The following TAS2R1 variants were observed in gnomAD, a reference collection of about 807,000 sequenced individuals.
TAS2R1 encodes the protein taste 2 receptor member 1.
For missense variants in TAS2R1, 370 were observed against 353.4 expected, an observed-to-expected ratio of 1.05 and a Z score of -0.38; for synonymous variants, 141 against 134.2, an observed-to-expected ratio of 1.05 and a Z score of -0.35.
the TAS2R1 span, among the ~76,000 whole-genome samples, chr5:9,734,544 AAGATT>A: frequency 6.6e-6 from 1 of 152,236 alleles, no homozygotes; most frequent in Non-Finnish European, 1.5e-5. Context: ...GATCAGAGAT[AAGATT>A]AATCTTTACA....
chr5:9,640,320 G>A (rs573576594), intron 2 of TAS2R1, among the ~76,000 whole-genome samples: 1 of 151,366 alleles, frequency 6.6e-6, no homozygotes, highest in African/African-American at 2.4e-5. Flanking sequence ...ATTACAATAG[G>A]AACATCAAAG....
chr5:9,648,851 G>A (rs1419644951), intron 2 of TAS2R1, among the ~76,000 whole-genome samples: 2 of 152,032 alleles, frequency 1.3e-5, no homozygotes, highest in African/African-American at 4.8e-5. Context: ...AGGCAGGGTC[G>A]GTGCCCAGGC....
At chr5:9,866,011 C>T in the TAS2R1 span, among the ~76,000 whole-genome samples, 1 of 152,188 alleles carries the variant, frequency 6.6e-6, no homozygotes, top group South Asian at 2.1e-4. Flanking sequence ...TCTGGAACTA[C>T]AATTATACCT....
chr5:9,826,135 A>G, the TAS2R1 span, among the ~76,000 whole-genome samples: 1 of 152,346 alleles, frequency 6.6e-6, no homozygotes, highest in South Asian at 2.1e-4. Context: ...TCATAGATTT[A>G]TAAAATATTT....
the TAS2R1 span, among the ~76,000 whole-genome samples, chr5:9,790,632 A>AT: frequency 6.6e-5 from 10 of 151,570 alleles, no homozygotes; most frequent in South Asian, 2.1e-4. Flanking sequence ...TAAAATAAGA[A>AT]TTTTTTTTTC....
At chr5:9,727,161 C>T in the TAS2R1 span, among the ~76,000 whole-genome samples, 1 of 152,164 alleles carries the variant, frequency 6.6e-6, no homozygotes. Flanking sequence ...CTTGATCAAG[C>T]CTTTCATATT....
At chr5:9,733,857 TTGC>T in the TAS2R1 span, among the ~76,000 whole-genome samples, 1 of 152,068 alleles carries the variant, frequency 6.6e-6, no homozygotes, top group Non-Finnish European at 1.5e-5. Context: ...AAAAATTGCA[TTGC>T]TTTTTTTTTT....
chr5:9,800,888 T>C, the TAS2R1 span, among the ~76,000 whole-genome samples: 3 of 152,180 alleles, frequency 2.0e-5, no homozygotes, highest in Non-Finnish European at 4.4e-5. Context: ...ATAAGAGTAG[T>C]ACCCTTATAA....
At chr5:9,725,091 G>GA in the TAS2R1 span, among the ~76,000 whole-genome samples, 1 of 152,256 alleles carries the variant, frequency 6.6e-6, no homozygotes, top group African/African-American at 2.4e-5. Context: ...GGGGACTCCT[G>GA]AGAGAAGGGG....
chr5:9,803,864 A>T, the TAS2R1 span, among the ~76,000 whole-genome samples: 1 of 152,208 alleles, frequency 6.6e-6, no homozygotes, highest in African/African-American at 2.4e-5. Context: ...AAATAGCATG[A>T]TGAGTAGAAT....
chr5:9,870,941 CATTT>C, the TAS2R1 span, among the ~76,000 whole-genome samples: 1 of 152,080 alleles, frequency 6.6e-6, no homozygotes, highest in African/African-American at 2.4e-5. Flanking sequence ...CTCAAAATAG[CATTT>C]ATTTGAAAAC....
the TAS2R1 span, among the ~76,000 whole-genome samples, chr5:9,813,012 A>G: frequency 3.3e-5 from 5 of 152,212 alleles, no homozygotes; most frequent in Admixed American, 3.3e-4. Flanking sequence ...ATATAATAAA[A>G]TCCTAACCCC....
chr5:9,864,746 A>G, the TAS2R1 span, among the ~76,000 whole-genome samples: 1 of 152,144 alleles, frequency 6.6e-6, no homozygotes, highest in African/African-American at 2.4e-5. Flanking sequence ...CCATTAATGG[A>G]ATGGTAAAAA....
chr5:9,890,118 G>A, the TAS2R1 span, among the ~76,000 whole-genome samples: 1 of 152,060 alleles, frequency 6.6e-6, no homozygotes, highest in Non-Finnish European at 1.5e-5. Flanking sequence ...AAAGGGACTC[G>A]GGATCCAGCC....
the TAS2R1 span, among the ~76,000 whole-genome samples, chr5:9,766,817 A>G: frequency 6.6e-6 from 1 of 152,152 alleles, no homozygotes; most frequent in African/African-American, 2.4e-5. Flanking sequence ...TAAAGCATAC[A>G]GAGAGGGAGG....
chr5:9,670,854 G>A (rs980530772), intron 1 of TAS2R1, among the ~76,000 whole-genome samples: 1 of 151,810 alleles, frequency 6.6e-6, no homozygotes, highest in Non-Finnish European at 1.5e-5. Context: ...AAAACTTTAG[G>A]TCAATAGCTT....
At chr5:9,808,246 T>C in the TAS2R1 span, among the ~76,000 whole-genome samples, 10 of 152,184 alleles carry the variant, frequency 6.6e-5, no homozygotes, top group Non-Finnish European at 1.2e-4. Context: ...AAGTCACAGA[T>C]GAAAACAAGG....
the TAS2R1 span, among the ~76,000 whole-genome samples, chr5:9,770,964 T>A: frequency 5.3e-5 from 8 of 152,306 alleles, no homozygotes; most frequent in East Asian, 1.5e-3. Context: ...GGCATCCTTG[T>A]CATGTTGCAG....
the TAS2R1 span, among the ~76,000 whole-genome samples, chr5:9,719,939 C>CAAAA: frequency 2.2e-5 from 2 of 91,108 alleles, no homozygotes; most frequent in African/African-American, 4.4e-5. Flanking sequence ...AAAAAAAAAA[C>CAAAA]AAAAACAAAA....
Sources: allele counts gnomAD v4.1 joint callset (sites outside exome capture counted in the v4.1 genomes callset), GRCh38; gene constraint gnomAD v4.1.1; transcripts MANE v1.5; gene names NCBI Gene and HGNC (gene_info 2026-07-23, HGNC 2026-07-21).